The following AFG2A variants were observed in gnomAD, a reference collection of about 807,000 sequenced individuals.
AFG2A encodes ATPase family gene 2 protein homolog A.
At chr4:122,943,615 G>A in the AFG2A span, among the ~76,000 whole-genome samples, 1 of 151,960 alleles carries the variant, frequency 6.6e-6, no homozygotes, top group Non-Finnish European at 1.5e-5. Context: ...TCTTTTAATT[G>A]GAGCATTTAG....
At chr4:123,100,479 G>A in the AFG2A span, among the ~76,000 whole-genome samples, 8 of 151,540 alleles carry the variant, frequency 5.3e-5, no homozygotes, top group South Asian at 2.1e-4. Flanking sequence ...TTGTTTTTCC[G>A]TCTAAAGCAT....
the AFG2A span, among the ~76,000 whole-genome samples, chr4:123,004,393 T>G: frequency 6.6e-6 from 1 of 152,252 alleles, no homozygotes; most frequent in Non-Finnish European, 1.5e-5. Context: ...ATCCCTCATC[T>G]TCTGCGTTGC....
At chr4:123,312,686 C>T in the AFG2A span, among the ~76,000 whole-genome samples, 2 of 152,116 alleles carry the variant, frequency 1.3e-5, no homozygotes, top group Non-Finnish European at 2.9e-5. Flanking sequence ...TGATAGCCAC[C>T]CTCTTTTTTC....
chr4:123,163,056 C>A, the AFG2A span, among the ~76,000 whole-genome samples: 1 of 152,190 alleles, frequency 6.6e-6, no homozygotes, highest in Admixed American at 6.5e-5. Context: ...ACTGACCTAG[C>A]TTTGAAGGCT....
chr4:123,026,459 C>CA, the AFG2A span, among the ~76,000 whole-genome samples: 13 of 151,848 alleles, frequency 8.6e-5, no homozygotes, highest in South Asian at 1.7e-3. Flanking sequence ...AAAAAAATTG[C>CA]AAAAAAATCT....
chr4:123,026,105 ATGTGTGTGTGTGTG>A, the AFG2A span, among the ~76,000 whole-genome samples: 2 of 149,130 alleles, frequency 1.3e-5, no homozygotes, highest in African/African-American at 4.9e-5. Flanking sequence ...GTGTATGTGT[ATGTGTGTGTGTGTG>A]TGTGTGTGTG....
At chr4:123,260,990 G>A in the AFG2A span, among the ~76,000 whole-genome samples, 6 of 152,322 alleles carry the variant, frequency 3.9e-5, no homozygotes, top group South Asian at 1.2e-3. Context: ...TCTCATAGGA[G>A]CACGAACCCT....
At chr4:122,965,981 A>G in the AFG2A span, among the ~76,000 whole-genome samples, 4 of 152,160 alleles carry the variant, frequency 2.6e-5, no homozygotes, top group Non-Finnish European at 5.9e-5. Context: ...AAAAGGGCTA[A>G]GTCTTATTTA....
At chr4:122,961,112 T>C in the AFG2A span, among the ~76,000 whole-genome samples, 3 of 152,304 alleles carry the variant, frequency 2.0e-5, no homozygotes, top group Admixed American at 6.5e-5. Flanking sequence ...ACCAGCTAAG[T>C]AGGGATAACA....
chr4:123,194,562 A>T, the AFG2A span, among the ~76,000 whole-genome samples: 2 of 152,216 alleles, frequency 1.3e-5, no homozygotes, highest in Non-Finnish European at 2.9e-5. Flanking sequence ...AGGAAAAGCA[A>T]ATCTGTCTTA....
the AFG2A span, among the ~76,000 whole-genome samples, chr4:123,012,876 A>G: frequency 6.6e-6 from 1 of 151,990 alleles, no homozygotes; most frequent in African/African-American, 2.4e-5. Flanking sequence ...GATCTTTCTC[A>G]TGGAGCAAAG....
At chr4:123,051,580 T>C in the AFG2A span, among the ~76,000 whole-genome samples, 1 of 151,388 alleles carries the variant, frequency 6.6e-6, no homozygotes, top group Non-Finnish European at 1.5e-5. Context: ...TTCTTTTGGT[T>C]TGAAGAACTC....
At chr4:123,232,509 G>A in the AFG2A span, among the ~76,000 whole-genome samples, 77,934 of 151,874 alleles carry the variant, frequency 0.51, 24,600 homozygotes, top group Non-Finnish European at 0.67. Context: ...GAATTCATTC[G>A]TGATTTTAAC....
chr4:123,192,541 T>C, the AFG2A span, among the ~76,000 whole-genome samples: 1 of 152,202 alleles, frequency 6.6e-6, no homozygotes, highest in African/African-American at 2.4e-5. Context: ...AGTTCCTTAG[T>C]TTCACAGTAG....
At chr4:123,168,146 A>G in the AFG2A span, among the ~76,000 whole-genome samples, 2 of 152,166 alleles carry the variant, frequency 1.3e-5, no homozygotes, top group Non-Finnish European at 2.9e-5. Context: ...AGCCAGGATA[A>G]TGCCAGTTTG....
the AFG2A span, among the ~76,000 whole-genome samples, chr4:123,141,907 C>T: frequency 6.6e-6 from 1 of 152,132 alleles, no homozygotes; most frequent in African/African-American, 2.4e-5. Flanking sequence ...CGTGACCCCT[C>T]CTAAAAGGGG....
chr4:123,134,485 G>T, the AFG2A span, among the ~76,000 whole-genome samples: 1 of 151,894 alleles, frequency 6.6e-6, no homozygotes, highest in African/African-American at 2.4e-5. Context: ...GCTAGGTATG[G>T]CTTTGCAGTA....
chr4:123,309,006 C>T, the AFG2A span, among the ~76,000 whole-genome samples: 13 of 152,114 alleles, frequency 8.5e-5, no homozygotes, highest in African/African-American at 1.4e-4. Context: ...GTCCTCCACC[C>T]GCTTCCTTTT....
At chr4:123,242,404 A>G in the AFG2A span, among the ~76,000 whole-genome samples, 6 of 152,244 alleles carry the variant, frequency 3.9e-5, no homozygotes, top group African/African-American at 1.4e-4. Flanking sequence ...ACTGGTACCA[A>G]AACAGATATG....
Sources: allele counts gnomAD v4.1 joint callset (sites outside exome capture counted in the v4.1 genomes callset), GRCh38; gene constraint gnomAD v4.1.1; transcripts MANE v1.5; gene names NCBI Gene and HGNC (gene_info 2026-07-23, HGNC 2026-07-21).